Variants in CCBE1 observed in about 807,000 individuals in gnomAD.
The protein encoded by CCBE1 is collagen and calcium binding EGF domains 1, also known as collagen and calcium-binding EGF domain-containing protein 1.
Under a neutral mutation model 50.0 loss-of-function variants are expected in CCBE1, and 37 were observed. The ratio of observed to expected loss-of-function variants is 0.74; its 90% CI spans 0.57 to 0.97. The LOEUF (loss-of-function observed/expected upper bound fraction) is 0.97. Ranked by LOEUF, CCBE1 falls within the 50% of genes least tolerant of loss-of-function variation. The probability of loss-of-function intolerance (pLI) is 0.00; values close to 1 mark genes in which losing one functional copy is unlikely to be tolerated. For missense variants in CCBE1, 538 were observed against 523.8 expected, an observed-to-expected ratio of 1.03 and a Z score of -0.26; for synonymous variants, 234 against 203.7, an observed-to-expected ratio of 1.15 and a Z score of -1.27.
rs552633168 is a variant in CCBE1, at chr18:59,447,948, G to C, written c.775+35C>G. Reference sequence around the variant, plus strand: ...GAGCTTTTGGCAGGCTTTTTCTGTTGGTGATCACCCTCCTGTGCCCTCTTC... The same window carrying C: ...GAGCTTTTGGCAGGCTTTTTCTGTTCGTGATCACCCTCCTGTGCCCTCTTC... On this transcript the variant is annotated intron_variant, in intron 7 of 10. Coordinates refer to ENST00000439986, the MANE Select transcript of CCBE1 (RefSeq NM_133459.4). 4 of 1,613,534 alleles carry C rather than the reference G, an allele frequency of 2.5e-6. No individual in the cohort carries two copies. In the African/African-American group the frequency reaches 5.3e-5, roughly 22 times the overall value.
chr18:59,683,730 G>C (rs2054621808), intron 2 of CCBE1, among the ~76,000 whole-genome samples: 1 of 151,738 alleles, frequency 6.6e-6, no homozygotes, highest in Non-Finnish European at 1.5e-5. Flanking sequence ...AAAAAGAAAG[G>C]AAAGAAAGCA....
chr18:59,488,722 C>T (rs1912944645), intron 2 of CCBE1, among the ~76,000 whole-genome samples: 1 of 152,156 alleles, frequency 6.6e-6, no homozygotes, highest in African/African-American at 2.4e-5. Context: ...ACTCAATTTC[C>T]TCATCTGTAA....
intron 2 of CCBE1, among the ~76,000 whole-genome samples, chr18:59,669,540 A>T (rs543291333): frequency 1.3e-5 from 2 of 152,354 alleles, no homozygotes; most frequent in South Asian, 4.1e-4. Context: ...GAACACATGG[A>T]CATTGCTCCT....
intron 2 of CCBE1, among the ~76,000 whole-genome samples, chr18:59,556,277 T>C (rs1007178753): frequency 6.6e-6 from 1 of 152,182 alleles, no homozygotes; most frequent in Non-Finnish European, 1.5e-5. Context: ...ATTGGAGTTG[T>C]AGACAAATCC....
At chr18:59,602,760 G>C (rs2053449688) in intron 2 of CCBE1, among the ~76,000 whole-genome samples, 1 of 152,194 alleles carries the variant, frequency 6.6e-6, no homozygotes, top group African/African-American at 2.4e-5. Context: ...ACAGAGAGAA[G>C]CAAGGCCTGA....
chr18:59,682,501 A>AC lies in CCBE1; in HGVS notation c.212+14127dup, dbSNP rs139329322. On this transcript the variant is annotated intron_variant, in intron 2 of 10. Coordinates refer to ENST00000439986, the MANE Select transcript of CCBE1 (RefSeq NM_133459.4). ...AAAATCTGACTATACTGAAACAGAGACCCCCCCCTTTAGCATCTGCTACAT... is the reference window on the plus strand; with the variant it reads ...AAAATCTGACTATACTGAAACAGAGACCCCCCCCCTTTAGCATCTGCTACAT... Among the ~76,000 whole-genome samples the AC allele has an allele frequency of 3.3e-3, 500 of 151,682 alleles. 2 individuals are homozygous for AC. The highest frequency in any genetic ancestry group is 9.3e-3 in the African/African-American group (386 of 41,320).
intron 2 of CCBE1, among the ~76,000 whole-genome samples, chr18:59,621,609 T>C (rs889818940): frequency 6.6e-6 from 1 of 152,156 alleles, no homozygotes; most frequent in African/African-American, 2.4e-5. Context: ...AACACAGGAT[T>C]GTCTTCATTT....
At chr18:59,491,863 C>T (rs35781152) in intron 2 of CCBE1, among the ~76,000 whole-genome samples, 5 of 135,398 alleles carry the variant, frequency 3.7e-5, no homozygotes, top group African/African-American at 1.5e-4. Context: ...GGTCTATTCC[C>T]CAGCTAAGGT....
At chr18:59,631,492 A>C (rs534712200) in intron 2 of CCBE1, among the ~76,000 whole-genome samples, 7 of 152,208 alleles carry the variant, frequency 4.6e-5, no homozygotes, top group African/African-American at 1.4e-4. Context: ...AAACACTCCA[A>C]AAGATTAAAA....
chr18:59,694,368 G>A (rs2054777673), intron 2 of CCBE1, among the ~76,000 whole-genome samples: 1 of 152,128 alleles, frequency 6.6e-6, no homozygotes, highest in African/African-American at 2.4e-5. Context: ...CTGGCTTCCT[G>A]GAATGCTGGT....
intron 2 of CCBE1, among the ~76,000 whole-genome samples, chr18:59,620,740 G>A (rs1158809840): frequency 6.6e-6 from 1 of 152,108 alleles, no homozygotes; most frequent in African/African-American, 2.4e-5. Flanking sequence ...ACATCCCTTT[G>A]CTCTTCCTTC....
chr18:59,644,573 C>T (rs2054030698), intron 2 of CCBE1, among the ~76,000 whole-genome samples: 1 of 152,242 alleles, frequency 6.6e-6, no homozygotes, highest in South Asian at 2.1e-4. Flanking sequence ...AATGCTTTAT[C>T]TAACTGAATG....
intron 5 of CCBE1, among the ~76,000 whole-genome samples, chr18:59,464,631 C>A (rs1475112181): frequency 6.6e-6 from 1 of 152,222 alleles, no homozygotes; most frequent in Non-Finnish European, 1.5e-5. Context: ...TAAACTGGTT[C>A]CAAAGACTTA....
chr18:59,559,563 A>C (rs1412116311), intron 2 of CCBE1, among the ~76,000 whole-genome samples: 1 of 152,192 alleles, frequency 6.6e-6, no homozygotes, highest in Non-Finnish European at 1.5e-5. Flanking sequence ...CGGTTCAAAG[A>C]ATACCTGTTA....
At chr18:59,665,523 C>T (rs371270994) in intron 2 of CCBE1, among the ~76,000 whole-genome samples, 1 of 152,138 alleles carries the variant, frequency 6.6e-6, no homozygotes, top group Non-Finnish European at 1.5e-5. Context: ...TCATTTTAAC[C>T]ACCAATTTAT....
intron 2 of CCBE1, among the ~76,000 whole-genome samples, chr18:59,689,208 GCCT>G (rs2054696955): frequency 6.6e-6 from 1 of 152,140 alleles, no homozygotes; most frequent in Non-Finnish European, 1.5e-5. Context: ...TGTTTACATA[GCCT>G]CCTGTGGGAC....
At chr18:59,606,113 A>C (rs188058275) in intron 2 of CCBE1, among the ~76,000 whole-genome samples, 2 of 152,242 alleles carry the variant, frequency 1.3e-5, no homozygotes, top group African/African-American at 4.8e-5. Context: ...ATGTTTTCTT[A>C]GTAATAACAC....
intron 2 of CCBE1, among the ~76,000 whole-genome samples, chr18:59,499,578 C>T (rs936491776): frequency 1.4e-4 from 21 of 151,728 alleles, no homozygotes; most frequent in African/African-American, 4.4e-4. Context: ...AGGGAAACTC[C>T]CCCTTATAAA....
chr18:59,465,182 T>C (rs765387710), intron 5 of CCBE1, among the ~76,000 whole-genome samples: 1 of 152,218 alleles, frequency 6.6e-6, no homozygotes, highest in Non-Finnish European at 1.5e-5. Flanking sequence ...CCTTGACATG[T>C]AGGCTAAAAT....
Sources: gnomAD v4.1 joint callset for allele counts (sites outside exome capture counted in the v4.1 genomes callset) on GRCh38, gnomAD v4.1.1 for gene constraint, MANE v1.5 for transcripts, NCBI Gene and HGNC (gene_info 2026-07-23, HGNC 2026-07-21) for gene names.